Variants in KCNT2 observed in about 807,000 individuals in gnomAD.
KCNT2 encodes the protein potassium sodium-activated channel subfamily T member 2, also known as potassium channel subfamily T member 2.
A neutral mutation model predicts 153.8 loss-of-function variants in KCNT2; 67 were observed. That is an observed-to-expected ratio of 0.44 (90% confidence interval 0.36 to 0.53). The LOEUF (loss-of-function observed/expected upper bound fraction) is 0.53. Ranked by LOEUF, KCNT2 falls within the 20% of genes least tolerant of loss-of-function variation. The pLI is 0.00. For synonymous variants in KCNT2, 500 were observed against 458.8 expected, an observed-to-expected ratio of 1.09 and a Z score of -1.15; for missense variants, 975 against 1,354.8, an observed-to-expected ratio of 0.72 and a Z score of 4.40.
chr1:196,539,688 G>T (rs1234308797), intron 1 of KCNT2, among the ~76,000 whole-genome samples: 4 of 152,046 alleles, frequency 2.6e-5, no homozygotes, highest in Admixed American at 2.0e-4. Flanking sequence ...CTCATAAAAT[G>T]CAATGACATG....
chr1:196,340,510 T>C lies in KCNT2; in HGVS notation c.1614A>G (p.Pro538=), dbSNP rs748263846. 2 of 1,611,526 alleles carry C rather than the reference T, an allele frequency of 1.2e-6. No individual in the cohort carries two copies. Among genetic ancestry groups the C allele is most frequent in the South Asian group, 1.1e-5 (1 of 90,866 alleles). ...TAGAATTCATAATGTATCGAGGACC[T>C]GGATTCAGCAAAATGTTTTTATTAT... ...REDNKNILLN[P]GPRYIMNSTD... The change falls in exon 16 of 28, where the codon CCA becomes CCG. Residue 538 remains proline (P), a synonymous_variant. Coordinates refer to ENST00000294725, the MANE Select transcript of KCNT2 (RefSeq NM_198503.5).
chr1:196,398,042 G>A (rs1447840202), intron 13 of KCNT2, among the ~76,000 whole-genome samples: 2 of 151,274 alleles, frequency 1.3e-5, no homozygotes, highest in East Asian at 1.9e-4. Context: ...CATTTTTAAA[G>A]CAGTACCTTC....
chr1:196,405,159 A>C (rs1458880140), intron 12 of KCNT2, among the ~76,000 whole-genome samples: 1 of 151,062 alleles, frequency 6.6e-6, no homozygotes, highest in Non-Finnish European at 1.5e-5. Context: ...ACAAGATTTC[A>C]CTTCATTTTT....
At position 196,258,660 on chromosome 1, in the gene KCNT2, T is replaced by C. The variant is rs565922268; in HGVS notation, c.2911-166A>G. On this transcript the variant is annotated intron_variant, in intron 25 of 27. Transcript: ENST00000294725. Reference sequence around the variant, plus strand: ...TTCTAATTTTCCATTACTAAAAATATTAAAATGTATGTTTCCTTGAACGTA... The same window carrying C: ...TTCTAATTTTCCATTACTAAAAATACTAAAATGTATGTTTCCTTGAACGTA... The C allele has an allele frequency of 1.6e-3, 1,124 of 687,094 alleles. 20 individuals are homozygous for C. Among genetic ancestry groups the C allele is most frequent in the South Asian group, 0.011 (680 of 61,086 alleles). 42.6% of individuals were successfully genotyped at this position (687,094 alleles called of 1,614,324 possible).
Position 196,493,017 on chromosome 1 carries a change from A to G in KCNT2, c.96-676T>C, listed in dbSNP as rs141492957. On this transcript the variant is annotated intron_variant, in intron 1 of 27. Transcript: ENST00000294725. ...TTTGATCCACTATACAATAATATCA[A>G]CAGTCTAAAATAATAGCAGTACTTT... is the stretch of plus-strand genomic sequence containing the variant. Among the ~76,000 whole-genome samples, 31 of 152,310 alleles carry G rather than the reference A, an allele frequency of 2.0e-4. No individual in the cohort carries two copies. The East Asian group carries it at 5.2e-3, about 26-fold the overall frequency.
chr1:196,327,731 A>G (rs113230737), intron 18 of KCNT2, among the ~76,000 whole-genome samples: 7,219 of 147,054 alleles, frequency 0.049, 261 homozygotes, highest in Non-Finnish European at 0.071. Flanking sequence ...CAGTGGTGCA[A>G]TCATCGCTCA....
chr1:196,322,139 A>C (rs2148050082), intron 19 of KCNT2, among the ~76,000 whole-genome samples: 1 of 152,090 alleles, frequency 6.6e-6, no homozygotes, highest in South Asian at 2.1e-4. Context: ...AAATGTATGC[A>C]TTTTAAAAAA....
intron 5 of KCNT2, among the ~76,000 whole-genome samples, chr1:196,476,385 A>G (rs140921881): frequency 2.0e-5 from 3 of 152,184 alleles, no homozygotes; most frequent in Non-Finnish European, 4.4e-5. Context: ...TTGATTTTTT[A>G]TTTTGTTTTA....
chr1:196,259,536 G>A (rs998293955), intron 25 of KCNT2: 1 of 152,004 alleles, frequency 6.6e-6, no homozygotes, highest in Non-Finnish European at 1.5e-5. Flanking sequence ...TTGAACTTCA[G>A]TTATAGCATG....
rs571952251 is a variant in KCNT2, at chr1:196,432,212, G to A, written c.639-2455C>T. Among the ~76,000 whole-genome samples the A allele has an allele frequency of 3.9e-5, 6 of 152,276 alleles. No homozygotes were observed. In the East Asian group the frequency reaches 9.7e-4, roughly 25 times the overall value. ...TGCCAATTTTGCAGGTGCGCAAAGAGCACAAGCTGTGAAGGCATGGTGACC... is the reference window on the plus strand; with the variant it reads ...TGCCAATTTTGCAGGTGCGCAAAGAACACAAGCTGTGAAGGCATGGTGACC... On this transcript the variant is annotated intron_variant, in intron 8 of 27. Coordinates refer to ENST00000294725, the MANE Select transcript of KCNT2 (RefSeq NM_198503.5).
intron 4 of KCNT2, among the ~76,000 whole-genome samples, chr1:196,480,048 A>G (rs918386488): frequency 2.6e-5 from 4 of 152,192 alleles, no homozygotes; most frequent in Non-Finnish European, 5.9e-5. Context: ...ATCTTTTTCT[A>G]TATTCTCTAT....
chr1:196,395,662 G>A (rs1241621550), intron 13 of KCNT2, among the ~76,000 whole-genome samples: 2 of 151,498 alleles, frequency 1.3e-5, no homozygotes, highest in African/African-American at 4.8e-5. Context: ...TCAGTACACA[G>A]GACAGCAACT....
intron 21 of KCNT2, among the ~76,000 whole-genome samples, chr1:196,308,436 G>A (rs1002153841): frequency 9.9e-5 from 15 of 152,080 alleles, no homozygotes; most frequent in African/African-American, 2.6e-4. Flanking sequence ...TGTCCAGTAT[G>A]TCTCCTCACC....
chr1:196,309,050 A>G (rs568665008), intron 21 of KCNT2, among the ~76,000 whole-genome samples: 3 of 152,090 alleles, frequency 2.0e-5, no homozygotes, highest in East Asian at 3.9e-4. Context: ...TTATAAGGAT[A>G]TATGTATTTT....
At chr1:196,335,225 T>C (rs1213697091) in intron 16 of KCNT2, among the ~76,000 whole-genome samples, 1 of 152,142 alleles carries the variant, frequency 6.6e-6, no homozygotes, top group Non-Finnish European at 1.5e-5. Flanking sequence ...TTGAAACAAT[T>C]ACAGTCATGC....
chr1:196,317,129 G>A (rs765376622), intron 20 of KCNT2: 26 of 266,296 alleles, frequency 9.8e-5, no homozygotes, highest in African/African-American at 3.4e-4. Context: ...ATGGGAAGGC[G>A]GGAGGCAGGA....
chr1:196,259,362 G>A (rs1028623745), intron 25 of KCNT2, among the ~76,000 whole-genome samples: 6 of 151,956 alleles, frequency 3.9e-5, no homozygotes, highest in African/African-American at 1.4e-4. Context: ...CAAAATTGTT[G>A]CTTTTCATAC....
chr1:196,403,323 A>G (rs1202069985), intron 12 of KCNT2, among the ~76,000 whole-genome samples: 1 of 151,742 alleles, frequency 6.6e-6, no homozygotes, highest in African/African-American at 2.4e-5. Context: ...CTGCATGATT[A>G]CAACTATATG....
At chr1:196,577,965 A>G (rs1357117931) in intron 1 of KCNT2, among the ~76,000 whole-genome samples, 1 of 152,186 alleles carries the variant, frequency 6.6e-6, no homozygotes, top group Non-Finnish European at 1.5e-5. Flanking sequence ...TTTCTCATGC[A>G]TGTTATTTTA....
Sources: allele counts gnomAD v4.1 joint callset (sites outside exome capture counted in the v4.1 genomes callset), GRCh38; gene constraint gnomAD v4.1.1; transcripts MANE v1.5; gene names NCBI Gene and HGNC (gene_info 2026-07-23, HGNC 2026-07-21).